Variants in SNTG2 observed in about 807,000 individuals in gnomAD.
SNTG2 encodes the protein syntrophin gamma 2.
Under a neutral mutation model 70.9 loss-of-function variants are expected in SNTG2, and 74 were observed. The ratio of observed to expected loss-of-function variants is 1.04; its 90% CI spans 0.86 to 1.27. The LOEUF is 1.27. Ranked by LOEUF, SNTG2 falls within the 50% of genes most tolerant of loss-of-function variation. SNTG2 has a pLI of 0.00. For synonymous variants in SNTG2, 278 were observed against 273.8 expected, an observed-to-expected ratio of 1.02 and a Z score of -0.15; for missense variants, 717 against 690.7, an observed-to-expected ratio of 1.04 and a Z score of -0.43.
chr2:975,245 A>G (rs1161642447), intron 1 of SNTG2, among the ~76,000 whole-genome samples: 4 of 152,300 alleles, frequency 2.6e-5, no homozygotes, highest in African/African-American at 9.6e-5. Flanking sequence ...AGCAAACACC[A>G]CATGCTTGCA....
chr2:1,059,381 TAATC>T (rs1321472362), intron 1 of SNTG2: 3 of 151,872 alleles, frequency 2.0e-5, no homozygotes, highest in Non-Finnish European at 2.9e-5. Context: ...AAAATAATAA[TAATC>T]AGTCAAGATA....
intron 1 of SNTG2, among the ~76,000 whole-genome samples, chr2:1,041,619 A>G (rs1661442304): frequency 6.6e-6 from 1 of 152,054 alleles, no homozygotes; most frequent in Non-Finnish European, 1.5e-5. Flanking sequence ...TTGAGTAAAC[A>G]TGAGCAGCAC....
chr2:975,647 C>CA (rs35782018), intron 1 of SNTG2, among the ~76,000 whole-genome samples: 45,834 of 151,852 alleles, frequency 0.3, 7,253 homozygotes, highest in Middle Eastern at 0.4. Context: ...TAATGTTTGA[C>CA]AAAAAATACC....
intron 16 of SNTG2, among the ~76,000 whole-genome samples, chr2:1,355,727 C>T (rs1007866499): frequency 2.0e-5 from 3 of 152,118 alleles, no homozygotes; most frequent in Non-Finnish European, 4.4e-5. Flanking sequence ...TAAGTCATCT[C>T]GTGGTTGTCT....
chr2:1,362,332 C>T (rs1290695945), intron 16 of SNTG2, among the ~76,000 whole-genome samples: 17 of 152,116 alleles, frequency 1.1e-4, no homozygotes, highest in Non-Finnish European at 1.6e-4. Flanking sequence ...GTAGAACTTC[C>T]GTGAAAGTCA....
intron 1 of SNTG2, among the ~76,000 whole-genome samples, chr2:1,028,462 A>G (rs1215990965): frequency 6.6e-6 from 1 of 152,232 alleles, no homozygotes; most frequent in African/African-American, 2.4e-5. Flanking sequence ...TAAAATCCCC[A>G]CAGCTGGTTC....
At chr2:1,338,059 C>A (rs1338539014) in intron 16 of SNTG2, among the ~76,000 whole-genome samples, 3 of 152,166 alleles carry the variant, frequency 2.0e-5, no homozygotes, top group Non-Finnish European at 2.9e-5. Context: ...GTATTCCATT[C>A]ATCTGTATGT....
At chr2:1,115,526 T>C (rs1338719516) in intron 4 of SNTG2, among the ~76,000 whole-genome samples, 2 of 151,784 alleles carry the variant, frequency 1.3e-5, no homozygotes, top group East Asian at 3.9e-4. Flanking sequence ...GGATCATGTG[T>C]ACTAAGTGAG....
intron 14 of SNTG2, among the ~76,000 whole-genome samples, chr2:1,298,637 A>G (rs1317840231): frequency 1.3e-5 from 2 of 151,636 alleles, no homozygotes; most frequent in African/African-American, 4.8e-5. Flanking sequence ...TGCCTCCTCC[A>G]CCTCTCCAAA....
intron 1 of SNTG2, among the ~76,000 whole-genome samples, chr2:1,026,633 G>A (rs1456231808): frequency 6.6e-6 from 1 of 152,162 alleles, no homozygotes; most frequent in Non-Finnish European, 1.5e-5. Flanking sequence ...CACTCACCCA[G>A]CATGTCTCAT....
At chr2:1,113,472 G>T (rs1666665053) in intron 4 of SNTG2, among the ~76,000 whole-genome samples, 1 of 152,076 alleles carries the variant, frequency 6.6e-6, no homozygotes. Flanking sequence ...CTTTGAGAAG[G>T]GTCGTGTGTA....
At chr2:1,084,082 CCACCAT>C in intron 2 of SNTG2, among the ~76,000 whole-genome samples, 2 of 152,216 alleles carry the variant, frequency 1.3e-5, no homozygotes, top group East Asian at 3.9e-4. Flanking sequence ...CCCCCAAAAG[CCACCAT>C]GTGAGATGTG....
intron 1 of SNTG2, among the ~76,000 whole-genome samples, chr2:1,031,548 T>TTTTTTTG (rs58725324): frequency 1.3e-5 from 1 of 78,348 alleles, no homozygotes; most frequent in Non-Finnish European, 2.7e-5. Context: ...TTTTTTTTTT[T>TTTTTTTG]GAGGCGAAAT....
intron 9 of SNTG2, among the ~76,000 whole-genome samples, chr2:1,234,041 A>AT (rs1676442795): frequency 6.6e-6 from 1 of 152,146 alleles, no homozygotes; most frequent in Admixed American, 6.5e-5. Flanking sequence ...AGCTCCGATA[A>AT]TGACCTTGGC....
chr2:991,372 T>TACACACACAC (rs61002101), intron 1 of SNTG2, among the ~76,000 whole-genome samples: 15,080 of 140,134 alleles, frequency 0.11, 987 homozygotes, highest in African/African-American at 0.17. Flanking sequence ...TCTGTAATAT[T>TACACACACAC]ACACACACAC....
chr2:1,105,146 A>G (rs77664677), intron 4 of SNTG2, among the ~76,000 whole-genome samples: 1,733 of 152,154 alleles, frequency 0.011, 37 homozygotes, highest in African/African-American at 0.04. Flanking sequence ...GCTGAGAGCA[A>G]CACACTCTGC....
chr2:1,220,998 C>T (rs1674722721), intron 9 of SNTG2, among the ~76,000 whole-genome samples: 1 of 152,252 alleles, frequency 6.6e-6, no homozygotes, highest in African/African-American at 2.4e-5. Flanking sequence ...ACACCCCTCC[C>T]CATCCAACAG....
intron 1 of SNTG2, among the ~76,000 whole-genome samples, chr2:1,020,014 G>T (rs1660072044): frequency 6.6e-6 from 1 of 152,210 alleles, no homozygotes; most frequent in Admixed American, 6.5e-5. Flanking sequence ...CTGCACTCCA[G>T]CTTGGGGGAC....
At chr2:1,148,984 A>G (rs1464161401) in intron 6 of SNTG2, among the ~76,000 whole-genome samples, 8 of 152,022 alleles carry the variant, frequency 5.3e-5, no homozygotes, top group South Asian at 2.1e-4. Flanking sequence ...CCCTTTCCCT[A>G]AAAATAACAA....
Sources: gnomAD v4.1 joint callset for allele counts (sites outside exome capture counted in the v4.1 genomes callset) on GRCh38, gnomAD v4.1.1 for gene constraint, MANE v1.5 for transcripts, NCBI Gene and HGNC (gene_info 2026-07-23, HGNC 2026-07-21) for gene names.